Variants in CTNNBL1 observed in about 807,000 individuals in gnomAD.
CTNNBL1 encodes the protein catenin beta like 1, also known as beta-catenin-like protein 1.
A neutral mutation model predicts 72.7 loss-of-function variants in CTNNBL1; 31 were observed. The observed-to-expected ratio is 0.43, with a 90% CI of 0.32 to 0.58. CTNNBL1 has a LOEUF of 0.58. CTNNBL1 is among the 20% of genes least tolerant of loss of function. The pLI is 0.08. For missense variants in CTNNBL1, 534 were observed against 725.1 expected, an observed-to-expected ratio of 0.74 and a Z score of 3.03; for synonymous variants, 240 against 267.3, an observed-to-expected ratio of 0.90 and a Z score of 1.00.
chr20:37,811,582 C>A (rs1373902841), intron 11 of CTNNBL1, among the ~76,000 whole-genome samples: 1 of 152,134 alleles, frequency 6.6e-6, no homozygotes, highest in Non-Finnish European at 1.5e-5. Context: ...ATATGGGGTT[C>A]CTTTCATCAG....
chr20:37,708,666 G>T (rs2072911140), intron 1 of CTNNBL1, among the ~76,000 whole-genome samples: 1 of 152,150 alleles, frequency 6.6e-6, no homozygotes. Flanking sequence ...TTGGTAAATG[G>T]AAATTAGCTT....
At chr20:37,713,460 A>G (rs1046420314) in intron 1 of CTNNBL1, among the ~76,000 whole-genome samples, 3 of 152,330 alleles carry the variant, frequency 2.0e-5, no homozygotes, top group Middle Eastern at 3.4e-3. Flanking sequence ...TCTTATTTTA[A>G]TTAAAAAAGC....
intron 5 of CTNNBL1, among the ~76,000 whole-genome samples, chr20:37,760,644 A>G (rs1430292755): frequency 6.6e-6 from 1 of 152,256 alleles, no homozygotes; most frequent in Non-Finnish European, 1.5e-5. Context: ...CTTTCTCTGT[A>G]AAATGGAGAT....
At position 37,871,914 on chromosome 20, in the gene CTNNBL1, TG is replaced by T. The variant is rs1246310769; in HGVS notation, c.1604-10del. 7.4e-6 allele frequency: 12 copies of T among 1,611,628 alleles called. No individual in the cohort carries two copies. In the South Asian group the frequency reaches 9.9e-5, roughly 13 times the overall value. On this transcript the variant is annotated splice_polypyrimidine_tract_variant and intron_variant, in intron 15 of 15. Coordinates refer to ENST00000361383, the MANE Select transcript of CTNNBL1 (RefSeq NM_030877.5). ...TGGGATCCACTCCTGACTCTATCTT[TG>T]TCCCCCTAGAGTATGCAGAGAACAT...
intron 10 of CTNNBL1, among the ~76,000 whole-genome samples, chr20:37,783,839 G>A (rs1029946318): frequency 8.5e-5 from 13 of 152,168 alleles, no homozygotes; most frequent in African/African-American, 3.1e-4. Flanking sequence ...TGCAGCTTTT[G>A]GATGATATGG....
chr20:37,836,091 G>T (rs1322716947), intron 11 of CTNNBL1, among the ~76,000 whole-genome samples: 1 of 152,156 alleles, frequency 6.6e-6, no homozygotes, highest in African/African-American at 2.4e-5. Context: ...TCCATTGGTA[G>T]GGGGTGAAGG....
chr20:37,835,629 T>C (rs2294440), intron 11 of CTNNBL1, among the ~76,000 whole-genome samples: 124,538 of 152,154 alleles, frequency 0.82, 51,016 homozygotes, highest in Middle Eastern at 0.89. Flanking sequence ...ATGCTTTAAT[T>C]CCACTACTAG....
At position 37,872,004 on chromosome 20, in the gene CTNNBL1, G is replaced by T; in HGVS notation, c.1683G>T (p.Glu561Asp). ...AAAAGCGCATCCTGGGCTTGCTGGA[G>T]AACTTCTAGAGGCACCTTGGCCCTG... ...NEQKRILGLL[E>D]NF Residue 561 changes from glutamate (E) to aspartate (D), a missense_variant, in exon 16 of 16, where the codon GAG becomes GAT. Transcript: ENST00000361383. 6.2e-7 allele frequency: 1 copy of T among 1,614,042 alleles called. No individual in the cohort carries two copies. Among genetic ancestry groups the T allele is most frequent in the Non-Finnish European group, 8.5e-7 (1 of 1,179,926 alleles).
At chr20:37,807,169 A>G (rs1019675171) in intron 11 of CTNNBL1, among the ~76,000 whole-genome samples, 1 of 152,124 alleles carries the variant, frequency 6.6e-6, no homozygotes, top group Non-Finnish European at 1.5e-5. Context: ...CAAGTTCCTA[A>G]GCTCCCTGGG....
At chr20:37,831,321 T>C (rs184957672) in intron 11 of CTNNBL1, among the ~76,000 whole-genome samples, 1 of 152,018 alleles carries the variant, frequency 6.6e-6, no homozygotes, top group African/African-American at 2.4e-5. Context: ...TGCCAGTTAA[T>C]TGTGTACTCT....
intron 13 of CTNNBL1, among the ~76,000 whole-genome samples, chr20:37,845,086 T>G (rs1324937393): frequency 6.6e-6 from 1 of 152,224 alleles, no homozygotes; most frequent in Non-Finnish European, 1.5e-5. Flanking sequence ...GGAATTCTTG[T>G]GTAATTTTTT....
intron 1 of CTNNBL1, among the ~76,000 whole-genome samples, chr20:37,724,405 A>G (rs2073065956): frequency 6.6e-6 from 1 of 152,148 alleles, no homozygotes; most frequent in Non-Finnish European, 1.5e-5. Flanking sequence ...GAAATGTTTT[A>G]CATTTCCTTA....
chr20:37,764,865 G>A (rs1428874416), intron 5 of CTNNBL1, among the ~76,000 whole-genome samples: 1 of 152,194 alleles, frequency 6.6e-6, no homozygotes, highest in Non-Finnish European at 1.5e-5. Context: ...CAGAGAAGGA[G>A]AACGAGCACA....
chr20:37,737,329 T>TA, intron 2 of CTNNBL1, 49 bp from the exon 3 acceptor site: 1 of 1,297,408 alleles, frequency 7.7e-7, no homozygotes, highest in South Asian at 1.2e-5. Context: ...TGACAATGAA[T>TA]GTGAAACCCC....
intron 1 of CTNNBL1, among the ~76,000 whole-genome samples, chr20:37,718,611 C>T (rs1406979801): frequency 5.4e-5 from 8 of 148,664 alleles, no homozygotes; most frequent in South Asian, 2.2e-4. Flanking sequence ...ACCTCCCTCC[C>T]GGACGGGGCG....
intron 13 of CTNNBL1, among the ~76,000 whole-genome samples, chr20:37,848,542 CA>C (rs1252277867): frequency 1.3e-5 from 2 of 152,144 alleles, no homozygotes; most frequent in Non-Finnish European, 2.9e-5. Context: ...AAACTTGTGA[CA>C]GGGGGCCTGG....
chr20:37,864,378 TAA>T (rs2072518805), intron 15 of CTNNBL1, among the ~76,000 whole-genome samples: 1 of 152,206 alleles, frequency 6.6e-6, no homozygotes, highest in African/African-American at 2.4e-5. Context: ...ACATATTTCC[TAA>T]GTTTTGCTGG....
intron 1 of CTNNBL1, among the ~76,000 whole-genome samples, chr20:37,721,231 G>C (rs1441463413): frequency 6.6e-6 from 1 of 152,172 alleles, no homozygotes; most frequent in Non-Finnish European, 1.5e-5. Context: ...TCCCCTGTTG[G>C]TAGTGTCTCT....
rs2073143835 is a variant in CTNNBL1, at chr20:37,733,063, A to G, written c.215A>G (p.Glu72Gly). The G allele has an allele frequency of 6.2e-7, 1 of 1,612,328 alleles. No homozygotes were observed. The change falls in exon 2 of 16, where the codon GAA becomes GGA. Residue 72 changes from glutamate to glycine, a missense_variant. Coordinates refer to ENST00000361383, the MANE Select transcript of CTNNBL1 (RefSeq NM_030877.5). ...IIDRDGEEEEEEEEPLDESSV... is the reference protein window; with the variant it reads ...IIDRDGEEEEGEEEPLDESSV... ...GACAGAGATGGGGAAGAGGAAGAGGAAGAGGTAACGTGGCAGCGCTGGGTG... is the reference window on the plus strand; with the variant it reads ...GACAGAGATGGGGAAGAGGAAGAGGGAGAGGTAACGTGGCAGCGCTGGGTG...
Sources: gnomAD v4.1 joint callset for allele counts (sites outside exome capture counted in the v4.1 genomes callset) on GRCh38, gnomAD v4.1.1 for gene constraint, MANE v1.5 for transcripts, NCBI Gene and HGNC (gene_info 2026-07-23, HGNC 2026-07-21) for gene names.